Variants in ZNF722 observed in about 807,000 individuals in gnomAD.
The protein encoded by ZNF722 is zinc finger protein 479 pseudogene.
the ZNF722 span, among the ~76,000 whole-genome samples, chr7:64,006,654 C>T: frequency 6.6e-6 from 1 of 151,994 alleles, no homozygotes; most frequent in South Asian, 2.1e-4. Context: ...AGAAACTCTA[C>T]GTTAAACTAT....
the ZNF722 span, among the ~76,000 whole-genome samples, chr7:64,017,178 G>T: frequency 2.0e-5 from 3 of 152,172 alleles, no homozygotes; most frequent in African/African-American, 4.8e-5. Flanking sequence ...GAGATCAGGA[G>T]TTCAAGACCA....
At chr7:64,015,761 A>G in the ZNF722 span, 1 of 1,613,470 alleles carries the variant, frequency 6.2e-7, no homozygotes, top group South Asian at 1.1e-5. Flanking sequence ...AATGTGGCAG[A>G]GCCTTTAACT....
At chr7:64,010,735 A>C in the ZNF722 span, among the ~76,000 whole-genome samples, 4 of 152,146 alleles carry the variant, frequency 2.6e-5, no homozygotes, top group African/African-American at 9.7e-5. Flanking sequence ...TTTTGTGTGG[A>C]GAGTTCTGTA....
chr7:64,008,420 A>G, the ZNF722 span, among the ~76,000 whole-genome samples: 4 of 152,316 alleles, frequency 2.6e-5, no homozygotes, highest in East Asian at 3.9e-4. Flanking sequence ...TAATTTTTGT[A>G]TAAGGTATAA....
the ZNF722 span, chr7:64,006,331 C>A: frequency 3.1e-6 from 4 of 1,281,678 alleles, no homozygotes; most frequent in Admixed American, 2.2e-5. Flanking sequence ...TAGGTGAGAG[C>A]GAATGAAGCA....
At chr7:64,010,281 C>T in the ZNF722 span, among the ~76,000 whole-genome samples, 3 of 152,232 alleles carry the variant, frequency 2.0e-5, no homozygotes, top group East Asian at 5.8e-4. Flanking sequence ...TTGCCTTCTG[C>T]TAGCTTTTGA....
the ZNF722 span, among the ~76,000 whole-genome samples, chr7:64,001,055 G>A: frequency 6.6e-6 from 1 of 152,324 alleles, no homozygotes; most frequent in South Asian, 2.1e-4. Context: ...GGGGTTACAG[G>A]CATGAGCCAC....
the ZNF722 span, among the ~76,000 whole-genome samples, chr7:64,016,645 CTGAATAAATGTAAGA>C: frequency 6.6e-6 from 1 of 151,954 alleles, no homozygotes; most frequent in East Asian, 1.9e-4. Context: ...GTCCTCAAAC[CTGAATAAATGTAAGA>C]TAATTGATAT....
chr7:64,004,617 T>C, the ZNF722 span, among the ~76,000 whole-genome samples: 90,141 of 151,036 alleles, frequency 0.6, 28,013 homozygotes, highest in Non-Finnish European at 0.7. Flanking sequence ...TTTTTTCCAC[T>C]ATAGAGTTAA....
At chr7:64,015,488 C>A in the ZNF722 span, 3 of 1,612,464 alleles carry the variant, frequency 1.9e-6, no homozygotes, top group Non-Finnish European at 2.5e-6. Context: ...AGAAACCCTA[C>A]AGATGTGAGG....
chr7:64,008,936 G>A, the ZNF722 span, among the ~76,000 whole-genome samples: 1 of 152,122 alleles, frequency 6.6e-6, no homozygotes, highest in Admixed American at 6.6e-5. Context: ...GTGGTTTGAA[G>A]TTCTCCTTAA....
At chr7:64,013,060 C>T in the ZNF722 span, among the ~76,000 whole-genome samples, 2 of 152,126 alleles carry the variant, frequency 1.3e-5, no homozygotes, top group Non-Finnish European at 2.9e-5. Context: ...CTTTTACAGT[C>T]TACTGAACTG....
chr7:64,015,455 A>T, the ZNF722 span: 1 of 1,608,900 alleles, frequency 6.2e-7, no homozygotes, highest in East Asian at 2.2e-5. Flanking sequence ...ACTGTACTAC[A>T]CATAAAAGAA....
the ZNF722 span, among the ~76,000 whole-genome samples, chr7:64,003,095 A>G: frequency 6.6e-6 from 1 of 152,184 alleles, no homozygotes; most frequent in Middle Eastern, 3.2e-3. Context: ...GGGGTTCAAG[A>G]TACATTCAGG....
At chr7:64,005,583 TTTTTTG>T in the ZNF722 span, 3 of 925,216 alleles carry the variant, frequency 3.2e-6, no homozygotes, top group South Asian at 2.7e-5. Flanking sequence ...TTCATGAGTG[TTTTTTG>T]TTTTTGTTTT....
the ZNF722 span, among the ~76,000 whole-genome samples, chr7:64,003,192 C>A: frequency 6.6e-6 from 1 of 151,976 alleles, no homozygotes; most frequent in Non-Finnish European, 1.5e-5. Context: ...GCGGTTCATG[C>A]TCCCATTACT....
At chr7:64,001,856 T>A in the ZNF722 span, among the ~76,000 whole-genome samples, 1 of 152,100 alleles carries the variant, frequency 6.6e-6, no homozygotes, top group African/African-American at 2.4e-5. Flanking sequence ...CATTTTTACA[T>A]AGAATCAACT....
chr7:64,000,126 T>TGTGTGTG, the ZNF722 span, among the ~76,000 whole-genome samples: 1 of 77,710 alleles, frequency 1.3e-5, no homozygotes, highest in East Asian at 2.9e-4. Context: ...TTACTTTTTT[T>TGTGTGTG]TTTTTTTGTG....
the ZNF722 span, among the ~76,000 whole-genome samples, chr7:64,001,266 GTGTC>G: frequency 3.3e-4 from 51 of 152,242 alleles, no homozygotes; most frequent in African/African-American, 1.2e-3. Flanking sequence ...CTGGGCCTCA[GTGTC>G]TGTCTGTTGT....
Sources: allele counts gnomAD v4.1 joint callset (sites outside exome capture counted in the v4.1 genomes callset), GRCh38; gene constraint gnomAD v4.1.1; transcripts MANE v1.5; gene names NCBI Gene and HGNC (gene_info 2026-07-23, HGNC 2026-07-21).